The following TCEA3 variants were observed in gnomAD, a reference collection of about 807,000 sequenced individuals.
The protein encoded by TCEA3 is transcription elongation factor A protein 3.
Under a neutral mutation model 44.0 loss-of-function variants are expected in TCEA3, and 36 were observed. That is an observed-to-expected ratio of 0.82 (90% confidence interval 0.63 to 1.08). The LOEUF (loss-of-function observed/expected upper bound fraction) is 1.08, where lower values mean the gene tolerates loss of function less well. Among genes scored for constraint, TCEA3 ranks in the 50% least tolerant of loss-of-function variants. TCEA3 has a pLI of 0.00. For synonymous variants in TCEA3, 162 were observed against 159.7 expected (o/e 1.01, Z -0.11); for missense variants, 392 against 441.2 (o/e 0.89, Z 1.00).
chr1:23,385,120 G>A (rs982626509), intron 9 of TCEA3, among the ~76,000 whole-genome samples: 3 of 152,190 alleles, frequency 2.0e-5, no homozygotes, highest in Non-Finnish European at 2.9e-5. Context: ...TTCAGGTGCA[G>A]GAACCGGGTA....
chr1:23,382,457 C>T (rs576964581), intron 10 of TCEA3, among the ~76,000 whole-genome samples: 7 of 152,124 alleles, frequency 4.6e-5, no homozygotes, highest in Admixed American at 2.0e-4. Context: ...GTTTTATGTA[C>T]CAGGCATGTC....
intron 10 of TCEA3, among the ~76,000 whole-genome samples, chr1:23,382,172 G>A (rs1202668645): frequency 3.3e-5 from 5 of 151,604 alleles, no homozygotes; most frequent in East Asian, 1.9e-4. Context: ...TCAGCCTCCC[G>A]AGTAGCTGGG....
intron 8 of TCEA3, among the ~76,000 whole-genome samples, chr1:23,390,904 C>T (rs1364698698): frequency 2.6e-5 from 4 of 151,958 alleles, no homozygotes; most frequent in African/African-American, 7.3e-5. Context: ...CACTCAGCAG[C>T]GCTCATGGGT....
chr1:23,407,423 G>A (rs1485185577), intron 5 of TCEA3, among the ~76,000 whole-genome samples: 3 of 151,838 alleles, frequency 2.0e-5, no homozygotes, highest in African/African-American at 7.3e-5. Context: ...CCCTCCAATA[G>A]CTCCAGCTTT....
chr1:23,407,934 CTTTCT>C (rs1010275786), intron 5 of TCEA3, among the ~76,000 whole-genome samples: 15 of 151,988 alleles, frequency 9.9e-5, no homozygotes, highest in African/African-American at 3.4e-4. Flanking sequence ...CTTTCTTTTT[CTTTCT>C]TTTCTTTTCT....
At chr1:23,395,974 A>T (rs1311308444) in intron 7 of TCEA3, among the ~76,000 whole-genome samples, 1 of 152,180 alleles carries the variant, frequency 6.6e-6, no homozygotes, top group Non-Finnish European at 1.5e-5. Context: ...GAAAATGAAG[A>T]TGAAACTCGT....
rs1489376094 is a variant in TCEA3 at position 23,423,844 on chromosome 1, A to T, written c.69+721T>A. The T allele has an allele frequency of 6.6e-6, 3 of 456,012 alleles. No individual in the cohort carries two copies. In the Admixed American group the frequency reaches 7.0e-5, roughly 11 times the overall value. 28.2% of individuals were successfully genotyped at this position (456,012 alleles called of 1,614,324 possible). A position where few individuals can be genotyped will look rare whatever the true frequency, so the allele number is the denominator to read the frequency against. On this transcript the variant is annotated intron_variant, in intron 1 of 10. Coordinates refer to ENST00000450454, the MANE Select transcript of TCEA3 (RefSeq NM_003196.3). Reference sequence around the variant, plus strand: ...GCCAGGACCCTCCGGTAGGGCTGTCAGCCCTGCTCCCAACCTCCCGCCGAG... The same window carrying T: ...GCCAGGACCCTCCGGTAGGGCTGTCTGCCCTGCTCCCAACCTCCCGCCGAG...
intron 7 of TCEA3, among the ~76,000 whole-genome samples, chr1:23,395,393 G>A (rs1161744007): frequency 6.6e-6 from 1 of 152,216 alleles, no homozygotes; most frequent in Non-Finnish European, 1.5e-5. Flanking sequence ...TGTTAGCACA[G>A]GGCCACTCCA....
chr1:23,415,350 G>A (rs1236768837), intron 4 of TCEA3, among the ~76,000 whole-genome samples: 1 of 152,134 alleles, frequency 6.6e-6, no homozygotes, highest in African/African-American at 2.4e-5. Context: ...GTGGGGCTTG[G>A]GGATGGAGCA....
intron 9 of TCEA3, among the ~76,000 whole-genome samples, chr1:23,385,432 C>A (rs1160219672): frequency 6.6e-6 from 1 of 152,214 alleles, no homozygotes; most frequent in Non-Finnish European, 1.5e-5. Context: ...AGAAGTGAGG[C>A]ACAGGAAGCG....
chr1:23,404,034 C>T lies in TCEA3; in HGVS notation c.443+4630G>A, dbSNP rs1639472452. ...AGCTTCCTTCTGCTCCCCGGATGTG[C>T]CCGCACCGCACCAGTCCTTAGAAAA... On this transcript the variant is annotated intron_variant, in intron 5 of 10. Coordinates refer to ENST00000450454, the MANE Select transcript of TCEA3 (RefSeq NM_003196.3). 4 of 682,950 alleles carry T rather than the reference C, an allele frequency of 5.9e-6. No homozygotes were observed. The Admixed American group carries it at 8.1e-5, about 14-fold the overall frequency. The allele number at this position is 682,950 out of a possible 1,614,324, so 42.3% of individuals were successfully genotyped here.
chr1:23,393,812 C>G, intron 8 of TCEA3, 67 bp downstream of exon 8: 3 of 1,561,042 alleles, frequency 1.9e-6, no homozygotes, highest in Non-Finnish European at 2.6e-6. Context: ...AGCCACTGAC[C>G]CTCTGCACTA....
rs1638706821 is a variant in TCEA3 at position 23,382,989 on chromosome 1, ATAAT to A, written c.1038+1353_1038+1356del. On this transcript the variant is annotated intron_variant, in intron 10 of 10. Transcript: ENST00000450454. The stretch of plus-strand genomic sequence containing the variant: ...GCTACTGAGGTCCTTAGTAAGAAAA[ATAAT>A]TAGAGGCCGGGCGCGGCGGCTCACG... Among the ~76,000 whole-genome samples the A allele has an allele frequency of 2.0e-5, 3 of 152,228 alleles. No homozygotes were observed. In the South Asian group the frequency reaches 6.2e-4, roughly 32 times the overall value.
intron 5 of TCEA3, among the ~76,000 whole-genome samples, chr1:23,406,274 C>A (rs2148569548): frequency 6.6e-6 from 1 of 152,292 alleles, no homozygotes; most frequent in South Asian, 2.1e-4. Flanking sequence ...CCTTAAACAA[C>A]CTAATTTTTG....
chr1:23,383,850 A>C, intron 10 of TCEA3: 1 of 988,290 alleles, frequency 1.0e-6, no homozygotes, highest in Non-Finnish European at 1.2e-6. Context: ...TGAGTTACAG[A>C]CTTGGGTAAG....
At chr1:23,405,648 C>T (rs1404965735) in intron 5 of TCEA3, among the ~76,000 whole-genome samples, 1 of 152,090 alleles carries the variant, frequency 6.6e-6, no homozygotes, top group Non-Finnish European at 1.5e-5. Context: ...GTTTCCTACC[C>T]TCAGTACTGA....
chr1:23,399,384 T>C (rs1431857879), intron 5 of TCEA3, among the ~76,000 whole-genome samples: 1 of 151,844 alleles, frequency 6.6e-6, no homozygotes, highest in Non-Finnish European at 1.5e-5. Context: ...TGTATTCACA[T>C]GGTGTCTCTT....
At position 23,397,925 on chromosome 1, in the gene TCEA3, G is replaced by A. The variant is rs776284779; in HGVS notation, c.474C>T (p.Ser158=). Residue 158 remains serine (S), a synonymous_variant, in exon 6 of 11, where the codon AGC becomes AGT. Coordinates refer to ENST00000450454, the MANE Select transcript of TCEA3 (RefSeq NM_003196.3). The part of the protein sequence containing the change: ...RSNSSKSKAE[S]PKTPSSPLTP... Reference sequence around the variant, plus strand: ...TCAAGGGGCTGCTAGGTGTTTTGGGGCTCTCCGCTTTTGATTTGCTGCTGT... The same window carrying A: ...TCAAGGGGCTGCTAGGTGTTTTGGGACTCTCCGCTTTTGATTTGCTGCTGT... The A allele has an allele frequency of 1.2e-6, 2 of 1,613,598 alleles. No individual in the cohort carries two copies. The highest frequency in any genetic ancestry group is 1.7e-5 in the Admixed American group (1 of 59,916).
chr1:23,415,018 T>C (rs1443794249), intron 4 of TCEA3, among the ~76,000 whole-genome samples: 35 of 140,992 alleles, frequency 2.5e-4, no homozygotes, highest in Non-Finnish European at 4.3e-4. Context: ...ACTGTTCTTT[T>C]TTTTTTTTTT....
Sources: gnomAD v4.1 joint callset for allele counts (sites outside exome capture counted in the v4.1 genomes callset) on GRCh38, gnomAD v4.1.1 for gene constraint, MANE v1.5 for transcripts, NCBI Gene and HGNC (gene_info 2026-07-23, HGNC 2026-07-21) for gene names.